Variants in TLK2 observed in about 807,000 individuals in gnomAD.
The protein encoded by TLK2 is serine/threonine-protein kinase tousled-like 2.
A neutral mutation model predicts 117.3 loss-of-function variants in TLK2; 6 were observed. The ratio of observed to expected loss-of-function variants is 0.05; its 90% confidence interval spans 0.03 to 0.10. The LOEUF (loss-of-function observed/expected upper bound fraction) is 0.10, where lower values mean the gene tolerates loss of function less well. Ranked by LOEUF, TLK2 falls within the 10% of genes least tolerant of loss-of-function variation. The pLI is 1.00. For missense variants in TLK2, 299 were observed against 901.2 expected (o/e 0.33, Z 8.56); for synonymous variants, 257 against 316.7 (o/e 0.81, Z 2.00).
intron 16 of TLK2, among the ~76,000 whole-genome samples, chr17:62,586,955 C>T (rs1026751279): frequency 1.3e-5 from 2 of 151,996 alleles, no homozygotes; most frequent in African/African-American, 4.8e-5. Flanking sequence ...TTGGTGGCAC[C>T]TGTTTGACTT....
intron 2 of TLK2, among the ~76,000 whole-genome samples, chr17:62,481,717 A>AATCTAAT (rs2071672664): frequency 6.6e-6 from 1 of 152,108 alleles, no homozygotes; most frequent in Non-Finnish European, 1.5e-5. Context: ...GCATAATATT[A>AATCTAAT]GATTAGGCCC....
intron 9 of TLK2, among the ~76,000 whole-genome samples, chr17:62,559,759 G>C (rs2079121784): frequency 6.6e-6 from 1 of 152,106 alleles, no homozygotes; most frequent in Non-Finnish European, 1.5e-5. Context: ...ATTGGCAGGA[G>C]CAAAATATGA....
intron 6 of TLK2, 21 bp from the exon 7 acceptor site, chr17:62,536,149 T>C: frequency 6.2e-7 from 1 of 1,605,046 alleles, no homozygotes; most frequent in Non-Finnish European, 8.5e-7. Context: ...GTCATTTGTG[T>C]GTTTCTTTAC....
At chr17:62,503,759 C>T (rs1446561446) in intron 2 of TLK2, among the ~76,000 whole-genome samples, 1 of 149,484 alleles carries the variant, frequency 6.7e-6, no homozygotes, top group East Asian at 2.0e-4. Context: ...ACAGAGTTTC[C>T]CTCTTGTTGC....
intron 6 of TLK2, among the ~76,000 whole-genome samples, chr17:62,532,239 C>G (rs955058924): frequency 3.9e-5 from 6 of 151,926 alleles, no homozygotes; most frequent in Non-Finnish European, 8.8e-5. Context: ...TTTCCCCCCC[C>G]AGGGAGACGT....
intron 15 of TLK2, 110 bp from the exon 16 acceptor site, chr17:62,586,025 A>G: frequency 1.4e-6 from 1 of 738,478 alleles, no homozygotes; most frequent in South Asian, 2.0e-5. Flanking sequence ...TGATGTATTT[A>G]ATAATGTATT....
intron 2 of TLK2, among the ~76,000 whole-genome samples, chr17:62,503,771 C>T (rs2074422583): frequency 6.8e-6 from 1 of 147,172 alleles, no homozygotes; most frequent in Non-Finnish European, 1.5e-5. Context: ...TCTTGTTGCC[C>T]AGGCTGGAGT....
upstream of TLK2, among the ~76,000 whole-genome samples, chr17:62,478,544 C>A (rs1195803018): frequency 6.7e-6 from 1 of 149,966 alleles, no homozygotes; most frequent in African/African-American, 2.4e-5. Context: ...CGTTGCGGCC[C>A]GTCAGCCGGC....
intron 2 of TLK2, among the ~76,000 whole-genome samples, chr17:62,492,738 C>T (rs1213561009): frequency 6.6e-6 from 1 of 152,104 alleles, no homozygotes; most frequent in Non-Finnish European, 1.5e-5. Context: ...GGATTACAGG[C>T]ATGAGCCACT....
chr17:62,500,291 A>G (rs905717192), intron 2 of TLK2, among the ~76,000 whole-genome samples: 2 of 152,032 alleles, frequency 1.3e-5, no homozygotes, highest in African/African-American at 4.8e-5. Flanking sequence ...CAGTATCACT[A>G]AATATAAAAA....
chr17:62,479,210 G>C lies in TLK2; in HGVS notation c.-86G>C. ...GGCTCCGCCCCGGGCCTGCCCAGGG[G>C]GAGAGCGGAGCGGTCCGCAGCCGGG... On this transcript the variant is annotated 5_prime_UTR_variant, in exon 1 of 22. Transcript: ENST00000346027. The C allele has an allele frequency of 6.5e-6, 1 of 153,470 alleles. No homozygotes were observed. The highest frequency in any genetic ancestry group is 1.8e-4 in the South Asian group (1 of 5,706). 9.5% of individuals were successfully genotyped at this position (153,470 alleles called of 1,614,324 possible).
In TLK2 at chr17:62,580,188, A is replaced by G; in HGVS notation, c.1364A>G (p.Tyr455Cys). The stretch of plus-strand genomic sequence containing the variant: ...GGTAGAGGAGGTTTCAGTGAAGTTT[A>G]CAAGGTAAGTATAAGGAACTGGATA... ...LLGRGGFSEVYKAFDLTEQRY... is the reference protein window; with the variant it reads ...LLGRGGFSEVCKAFDLTEQRY... Residue 455 changes from tyrosine to cysteine, a missense_variant, in exon 15 of 22, where the codon TAC (tyrosine) becomes TGC (cysteine). Tyr to Cys is a radical substitution (Grantham distance 194, BLOSUM62 -2). Transcript: ENST00000346027. The G allele has an allele frequency of 6.2e-7, 1 of 1,610,444 alleles. No homozygotes were observed. Among genetic ancestry groups the G allele is most frequent in the Non-Finnish European group, 8.5e-7 (1 of 1,178,294 alleles).
chr17:62,478,620 T>C (rs1270925406), upstream of TLK2, among the ~76,000 whole-genome samples: 1 of 150,588 alleles, frequency 6.6e-6, no homozygotes, highest in Non-Finnish European at 1.5e-5. Flanking sequence ...CGGGGTCCCC[T>C]GGTTAACCCC....
chr17:62,556,732 G>A (rs2078892413), intron 9 of TLK2, among the ~76,000 whole-genome samples: 1 of 152,028 alleles, frequency 6.6e-6, no homozygotes, highest in Non-Finnish European at 1.5e-5. Flanking sequence ...GTGTGATTAT[G>A]TCTAACTATG....
At chr17:62,584,930 CAG>C (rs1348044650) in intron 15 of TLK2, among the ~76,000 whole-genome samples, 1 of 152,170 alleles carries the variant, frequency 6.6e-6, no homozygotes, top group Non-Finnish European at 1.5e-5. Context: ...TGGGTGATAA[CAG>C]TGTTGAAACT....
chr17:62,488,873 T>G (rs535098346), intron 2 of TLK2, among the ~76,000 whole-genome samples: 2 of 145,354 alleles, frequency 1.4e-5, no homozygotes, highest in African/African-American at 5.1e-5. Context: ...TCACCCAGGC[T>G]GGAGTGAAGT....
At chr17:62,556,843 G>A (rs896637391) in intron 9 of TLK2, among the ~76,000 whole-genome samples, 2 of 152,008 alleles carry the variant, frequency 1.3e-5, no homozygotes, top group African/African-American at 4.8e-5. Context: ...TAATATGATT[G>A]CCCCTTTCTT....
intron 2 of TLK2, among the ~76,000 whole-genome samples, chr17:62,487,441 C>T (rs796833932): frequency 1.1e-4 from 17 of 150,002 alleles, no homozygotes; most frequent in African/African-American, 2.2e-4. Flanking sequence ...ATTGCTTGAA[C>T]GTGGGAGGCA....
At chr17:62,584,460 A>G (rs2081466011) in intron 15 of TLK2, among the ~76,000 whole-genome samples, 1 of 152,094 alleles carries the variant, frequency 6.6e-6, no homozygotes, top group African/African-American at 2.4e-5. Context: ...TCTACTGTGA[A>G]GCCATAATGG....
Sources: gnomAD v4.1 joint callset for allele counts (sites outside exome capture counted in the v4.1 genomes callset) on GRCh38, gnomAD v4.1.1 for gene constraint, MANE v1.5 for transcripts, NCBI Gene and HGNC (gene_info 2026-07-23, HGNC 2026-07-21) for gene names.